SPATA13: variants seen among roughly 807,000 people sequenced by gnomAD.
SPATA13 encodes the protein spermatogenesis-associated protein 13.
A neutral mutation model predicts 104.0 loss-of-function variants in SPATA13; 50 were observed. That is an observed-to-expected ratio of 0.48 (90% CI 0.38 to 0.61). SPATA13 has a LOEUF of 0.61. Ranked by LOEUF, SPATA13 falls within the 20% of genes least tolerant of loss-of-function variation. SPATA13 has a pLI of 0.00. For synonymous variants in SPATA13, 606 were observed against 667.5 expected, an observed-to-expected ratio of 0.91 and a Z score of 1.42; for missense variants, 1,524 against 1,690.6, an observed-to-expected ratio of 0.90 and a Z score of 1.73.
At chr13:24,007,429 G>T (rs1298382242) in intron 2 of SPATA13, among the ~76,000 whole-genome samples, 1 of 152,178 alleles carries the variant, frequency 6.6e-6, no homozygotes, top group Non-Finnish European at 1.5e-5. Context: ...GACAAGCTGG[G>T]TGATGTTTAA....
intron 10 of SPATA13, among the ~76,000 whole-genome samples, chr13:24,295,561 G>A (rs1390294368): frequency 2.6e-5 from 4 of 152,046 alleles, no homozygotes; most frequent in Admixed American, 6.6e-5. Flanking sequence ...GCAGTGAGCC[G>A]TGATCGTGCC....
intron 1 of SPATA13, among the ~76,000 whole-genome samples, chr13:24,186,559 T>G (rs1035780715): frequency 6.6e-6 from 1 of 152,170 alleles, no homozygotes; most frequent in African/African-American, 2.4e-5. Context: ...TGAAATTATT[T>G]TAGGTTGTCC....
intron 3 of SPATA13, among the ~76,000 whole-genome samples, chr13:24,102,325 T>C (rs1039894861): frequency 5.3e-5 from 8 of 152,172 alleles, no homozygotes; most frequent in Admixed American, 3.9e-4. Context: ...TTAAATTGGG[T>C]TATTTGTTTT....
chr13:24,136,241 G>A (rs990519393), intron 3 of SPATA13, among the ~76,000 whole-genome samples: 5 of 152,196 alleles, frequency 3.3e-5, no homozygotes, highest in African/African-American at 1.2e-4. Flanking sequence ...GGAGGCCGAG[G>A]TGAGGTGGGT....
chr13:24,053,526 G>A (rs1233669463), intron 3 of SPATA13, among the ~76,000 whole-genome samples: 1 of 152,134 alleles, frequency 6.6e-6, no homozygotes, highest in Non-Finnish European at 1.5e-5. Context: ...AAGTGGGGAG[G>A]TTGAATGCAC....
At chr13:24,246,293 A>G (rs1356985937) in intron 2 of SPATA13, among the ~76,000 whole-genome samples, 1 of 152,190 alleles carries the variant, frequency 6.6e-6, no homozygotes, top group Non-Finnish European at 1.5e-5. Flanking sequence ...TGTCTGTGCC[A>G]TTTGATTCGG....
intron 2 of SPATA13, among the ~76,000 whole-genome samples, chr13:24,234,780 T>C (rs1872485648): frequency 6.6e-6 from 1 of 152,124 alleles, no homozygotes; most frequent in South Asian, 2.1e-4. Flanking sequence ...CCTGCACTGA[T>C]CTAGTAACTT....
chr13:24,129,507 C>T (rs762651374), intron 3 of SPATA13, among the ~76,000 whole-genome samples: 18 of 152,224 alleles, frequency 1.2e-4, no homozygotes, highest in South Asian at 8.3e-4. Flanking sequence ...ATTTGCAGAC[C>T]GGAGGATTGC....
At chr13:24,072,261 C>A (rs572913816) in intron 3 of SPATA13, among the ~76,000 whole-genome samples, 1 of 152,304 alleles carries the variant, frequency 6.6e-6, no homozygotes, top group Admixed American at 6.5e-5. Flanking sequence ...CAAGTCATTG[C>A]CAAAACTGTT....
intron 1 of SPATA13, among the ~76,000 whole-genome samples, chr13:24,191,825 G>C (rs897927743): frequency 2.0e-5 from 3 of 151,986 alleles, no homozygotes; most frequent in African/African-American, 7.2e-5. Flanking sequence ...GCTTTCTAAA[G>C]CCCTTGCATC....
chr13:24,122,117 G>A (rs1192465783), intron 3 of SPATA13: 7 of 1,612,284 alleles, frequency 4.3e-6, no homozygotes, highest in East Asian at 2.2e-5. Context: ...TGGCACAACT[G>A]GAGCACTGAA....
intron 2 of SPATA13, among the ~76,000 whole-genome samples, chr13:24,235,263 C>G (rs1872513423): frequency 6.6e-6 from 1 of 152,128 alleles, no homozygotes; most frequent in South Asian, 2.1e-4. Context: ...GAGGTTTAGA[C>G]CCAGAAATTT....
intron 3 of SPATA13, among the ~76,000 whole-genome samples, chr13:24,119,442 T>C (rs1458387328): frequency 1.3e-5 from 2 of 152,192 alleles, no homozygotes; most frequent in African/African-American, 4.8e-5. Flanking sequence ...TTGCAAGCCA[T>C]ATTTTTACTC....
intron 4 of SPATA13, among the ~76,000 whole-genome samples, chr13:24,269,816 T>C (rs1874479891): frequency 7.0e-6 from 1 of 143,494 alleles, no homozygotes; most frequent in African/African-American, 2.6e-5. Context: ...CTCAAACTCC[T>C]GGGCTCAATT....
chr13:24,147,296 C>G (rs924017905), intron 3 of SPATA13, among the ~76,000 whole-genome samples: 1 of 152,112 alleles, frequency 6.6e-6, no homozygotes, highest in Non-Finnish European at 1.5e-5. Context: ...AGTAACTGGG[C>G]CATGACAGTG....
chr13:24,189,834 G>T lies in SPATA13; in HGVS notation c.-112+28902G>T, dbSNP rs1160088037. On this transcript the variant is annotated intron_variant, in intron 1 of 12. Coordinates refer to ENST00000382108, the MANE Select transcript of SPATA13 (RefSeq NM_001166271.3). ...AATATATTATAAATATATATAAAAT[G>T]ATATTTAATATATTATATTAATATA... Among the ~76,000 whole-genome samples the T allele has an allele frequency of 6.9e-4, 15 of 21,778 alleles. 2 individuals are homozygous for T. The highest frequency in any genetic ancestry group is 9.3e-4 in the Non-Finnish European group (7 of 7,510). 14.3% of individuals were successfully genotyped at this position (21,778 alleles called of 152,430 possible).
At chr13:23,979,909 A>T (rs1376058566) in exon 1 of SPATA13, 1 of 152,202 alleles carries the variant, frequency 6.6e-6, no homozygotes, top group African/African-American at 2.4e-5. Flanking sequence ...AGGACGTAGG[A>T]GGGATGCTGA....
intron 4 of SPATA13, among the ~76,000 whole-genome samples, chr13:24,260,872 C>A (rs773567509): frequency 1.8e-4 from 28 of 152,252 alleles, no homozygotes; most frequent in Admixed American, 4.6e-4. Context: ...TGTCCTACAT[C>A]ATGACAAAGG....
At chr13:24,096,441 CA>C (rs60059042) in intron 3 of SPATA13, among the ~76,000 whole-genome samples, 5 of 150,236 alleles carry the variant, frequency 3.3e-5, no homozygotes, top group East Asian at 2.0e-4. Context: ...ATTAAAAATA[CA>C]AAAAAAAATA....
Sources: allele counts gnomAD v4.1 joint callset (sites outside exome capture counted in the v4.1 genomes callset), GRCh38; gene constraint gnomAD v4.1.1; transcripts MANE v1.5; gene names NCBI Gene and HGNC (gene_info 2026-07-23, HGNC 2026-07-21).